The following SNX29 variants were observed in gnomAD, a reference collection of about 807,000 sequenced individuals.
SNX29 encodes sorting nexin 29.
SNX29 carries 78 observed loss-of-function variants against 102.1 expected under a neutral mutation model. The observed-to-expected ratio is 0.76, with a 90% CI of 0.64 to 0.92. The LOEUF (loss-of-function observed/expected upper bound fraction) is 0.92. SNX29 is among the 40% of genes least tolerant of loss of function. SNX29 has a pLI of 0.00. For missense variants in SNX29, 1,280 were observed against 1,061.7 expected, an observed-to-expected ratio of 1.21 and a Z score of -2.86; for synonymous variants, 580 against 414.5, an observed-to-expected ratio of 1.40 and a Z score of -4.85.
chr16:12,141,386 T>C (rs914848672), intron 13 of SNX29, among the ~76,000 whole-genome samples: 9 of 152,164 alleles, frequency 5.9e-5, no homozygotes, highest in Admixed American at 5.9e-4. Flanking sequence ...TTGATTCAGA[T>C]CCCAAGAGAG....
At chr16:11,984,393 G>GAAAAA (rs1359589462) in intron 1 of SNX29, among the ~76,000 whole-genome samples, 1 of 108,760 alleles carries the variant, frequency 9.2e-6, no homozygotes, top group Non-Finnish European at 2.1e-5. Flanking sequence ...AAAAAGAAAA[G>GAAAAA]ATTGAGACTG....
intron 14 of SNX29, among the ~76,000 whole-genome samples, chr16:12,221,109 T>G (rs1204169716): frequency 6.6e-6 from 1 of 150,394 alleles, no homozygotes; most frequent in Non-Finnish European, 1.5e-5. Context: ...TGATGAAGTT[T>G]TTTTTTCTTC....
intron 11 of SNX29, among the ~76,000 whole-genome samples, chr16:12,109,891 C>T (rs886141190): frequency 6.6e-6 from 1 of 152,116 alleles, no homozygotes; most frequent in Non-Finnish European, 1.5e-5. Context: ...CTACCACGCC[C>T]ACCTAATTTT....
At chr16:12,149,804 A>G (rs529653257) in intron 13 of SNX29, among the ~76,000 whole-genome samples, 3 of 152,314 alleles carry the variant, frequency 2.0e-5, no homozygotes, top group East Asian at 1.9e-4. Flanking sequence ...ATATCATCCT[A>G]TGATCTTTAC....
intron 19 of SNX29, chr16:12,515,576 C>T (rs917704199): frequency 2.0e-6 from 1 of 491,558 alleles, no homozygotes; most frequent in Non-Finnish European, 4.0e-6. Flanking sequence ...CCTGCATTGC[C>T]TCCTCTGAAT....
intron 3 of SNX29, among the ~76,000 whole-genome samples, chr16:12,019,791 C>T (rs1462172868): frequency 6.6e-6 from 1 of 151,872 alleles, no homozygotes; most frequent in Non-Finnish European, 1.5e-5. Flanking sequence ...CACGTACCAC[C>T]ACACCCGACT....
At chr16:12,320,448 G>T (rs1373380880) in intron 15 of SNX29, among the ~76,000 whole-genome samples, 2 of 152,174 alleles carry the variant, frequency 1.3e-5, no homozygotes, top group Admixed American at 1.3e-4. Flanking sequence ...GACAGGAAGC[G>T]CTCAGCCACC....
chr16:12,300,124 G>T (rs1022954760), intron 15 of SNX29, among the ~76,000 whole-genome samples: 1 of 152,140 alleles, frequency 6.6e-6, no homozygotes, highest in South Asian at 2.1e-4. Flanking sequence ...TGCCTGCCTC[G>T]GCCTCCCAAA....
chr16:12,371,726 G>A (rs1198337666), intron 16 of SNX29, among the ~76,000 whole-genome samples: 1 of 152,226 alleles, frequency 6.6e-6, no homozygotes, highest in Admixed American at 6.5e-5. Flanking sequence ...TCCTGTTAGA[G>A]CAAAGCTTGC....
intron 20 of SNX29, among the ~76,000 whole-genome samples, chr16:12,564,934 TAAAAAAAA>T (rs6145751): frequency 0.03 from 4,404 of 144,926 alleles, 200 homozygotes; most frequent in African/African-American, 0.1. Context: ...ACCTTGGTGT[TAAAAAAAA>T]AAAAAAAAAG....
chr16:12,006,200 T>C (rs1212894929), intron 3 of SNX29, among the ~76,000 whole-genome samples: 2 of 122,704 alleles, frequency 1.6e-5, no homozygotes, highest in Non-Finnish European at 3.7e-5. Context: ...AGAGACCCTG[T>C]CTCTAAAATA....
At chr16:12,354,333 A>G (rs1232857605) in intron 15 of SNX29, among the ~76,000 whole-genome samples, 1 of 151,996 alleles carries the variant, frequency 6.6e-6, no homozygotes. Flanking sequence ...GTTGCATGGG[A>G]TTTTTCCTTT....
chr16:12,527,480 C>G (rs745588937), intron 20 of SNX29: 9 of 429,544 alleles, frequency 2.1e-5, no homozygotes, highest in Non-Finnish European at 3.5e-5. Context: ...TCCAAAAAGT[C>G]CATTTGAGTT....
chr16:11,995,879 G>T (rs1156848540), intron 1 of SNX29, among the ~76,000 whole-genome samples: 3 of 151,878 alleles, frequency 2.0e-5, no homozygotes, highest in Non-Finnish European at 4.4e-5. Flanking sequence ...GGCCAACATG[G>T]TGAAACCCTG....
At chr16:12,559,312 G>A (rs146007306) in intron 20 of SNX29, among the ~76,000 whole-genome samples, 6 of 151,888 alleles carry the variant, frequency 4.0e-5, no homozygotes, top group Admixed American at 6.6e-5. Flanking sequence ...AAACCCTATT[G>A]TGAACTGCCC....
chr16:11,994,372 C>T (rs192261090), intron 1 of SNX29, among the ~76,000 whole-genome samples: 24 of 152,258 alleles, frequency 1.6e-4, no homozygotes, highest in African/African-American at 5.3e-4. Flanking sequence ...GGGGGCTGCC[C>T]CTGGAGATGA....
chr16:12,487,077 T>C (rs1207663551), intron 19 of SNX29, among the ~76,000 whole-genome samples: 1 of 152,198 alleles, frequency 6.6e-6, no homozygotes, highest in Non-Finnish European at 1.5e-5. Context: ...CCCTTTTATA[T>C]ACTAGGAATA....
At chr16:12,338,023 C>A (rs289670) in intron 15 of SNX29, among the ~76,000 whole-genome samples, 14,378 of 152,112 alleles carry the variant, frequency 0.095, 900 homozygotes, top group South Asian at 0.14. Context: ...CCAGAGGAGC[C>A]GAGGAAGCAC....
chr16:12,566,704 C>A (rs1295559123), intron 20 of SNX29, among the ~76,000 whole-genome samples: 1 of 744 alleles, frequency 1.3e-3, no homozygotes, highest in Non-Finnish European at 0.01. Context: ...AGTGGGGTCC[C>A]CCATCCTTTG....
Sources: allele counts gnomAD v4.1 joint callset (sites outside exome capture counted in the v4.1 genomes callset), GRCh38; gene constraint gnomAD v4.1.1; transcripts MANE v1.5; gene names NCBI Gene and HGNC (gene_info 2026-07-23, HGNC 2026-07-21).